SMCHD1: variants seen among roughly 807,000 people sequenced by gnomAD.
The protein encoded by SMCHD1 is structural maintenance of chromosomes flexible hinge domain-containing protein 1.
Under a neutral mutation model 254.7 loss-of-function variants are expected in SMCHD1, and 78 were observed. That is an observed-to-expected ratio of 0.31 (90% confidence interval 0.26 to 0.37). The LOEUF (loss-of-function observed/expected upper bound fraction) is 0.37. Ranked by LOEUF, SMCHD1 falls within the 10% of genes least tolerant of loss-of-function variation. The pLI, the probability that SMCHD1 is intolerant of heterozygous loss-of-function variation, is 1.00. For missense variants in SMCHD1, 1,840 were observed against 2,408.1 expected (o/e 0.76, Z 4.94); for synonymous variants, 766 against 794.9 (o/e 0.96, Z 0.61).
chr18:2,716,644 G>A (rs1336924635), intron 17 of SMCHD1, among the ~76,000 whole-genome samples: 2 of 152,190 alleles, frequency 1.3e-5, no homozygotes, highest in East Asian at 1.9e-4. Flanking sequence ...CTCAGGCCCC[G>A]AAGGAATGCT....
chr18:2,739,488 T>C lies in SMCHD1; in HGVS notation c.3482T>C (p.Val1161Ala). 6.2e-7 allele frequency: 1 copy of C among 1,613,244 alleles called. No individual in the cohort carries two copies. The highest frequency in any genetic ancestry group is 1.3e-5 in the African/African-American group (1 of 74,990). Residue 1161 changes from valine (V) to alanine (A), a missense_variant, in exon 27 of 48, where the codon GTA (valine) becomes GCA (alanine). Coordinates refer to ENST00000320876, the MANE Select transcript of SMCHD1 (RefSeq NM_015295.3). Reference sequence around the variant, plus strand: ...TGTGAAATGAAAGGAGGAAAAACAGTACAGATGGGCCAAGAGCTTCAAGGA... The same window carrying C: ...TGTGAAATGAAAGGAGGAAAAACAGCACAGATGGGCCAAGAGCTTCAAGGA... ...LKCEMKGGKT[V>A]QMGQELQGEV...
intron 1 of SMCHD1, among the ~76,000 whole-genome samples, chr18:2,663,451 C>G (rs1056050339): frequency 6.6e-6 from 1 of 152,094 alleles, no homozygotes; most frequent in African/African-American, 2.4e-5. Context: ...TATGCTCACT[C>G]AAAATTATTT....
At chr18:2,677,368 T>G (rs1288695156) in intron 5 of SMCHD1, among the ~76,000 whole-genome samples, 3 of 152,224 alleles carry the variant, frequency 2.0e-5, no homozygotes, top group Non-Finnish European at 2.9e-5. Flanking sequence ...TTTTTAATCT[T>G]GAGGTAAAAT....
rs769401596 is a variant in SMCHD1 at position 2,656,090 on chromosome 18, C to G, written c.15C>G (p.Asp5Glu). Residue 5 changes from aspartate to glutamate, a missense_variant, in exon 1 of 48, where the codon GAC (aspartate) becomes GAG (glutamate). By Grantham distance (45) the Asp-to-Glu change is conservative. Coordinates refer to ENST00000320876, the MANE Select transcript of SMCHD1 (RefSeq NM_015295.3). The part of the protein sequence containing the change: MAAA[D>E]GGGPGGASVG... The stretch of plus-strand genomic sequence containing the variant: ...TTTTCCCCAATATGGCAGCGGCGGA[C>G]GGCGGCGGGCCTGGTGGGGCCTCTG... 1 of 1,401,702 alleles carries G rather than the reference C, an allele frequency of 7.1e-7. No individual in the cohort carries two copies. Among genetic ancestry groups the G allele is most frequent in the African/African-American group, 1.5e-5 (1 of 66,588 alleles). 86.8% of individuals were successfully genotyped at this position (1,401,702 alleles called of 1,614,324 possible).
chr18:2,739,308 G>T, intron 26 of SMCHD1, 124 bp from the exon 27 acceptor site: 1 of 685,218 alleles, frequency 1.5e-6, no homozygotes, highest in Non-Finnish European at 2.6e-6. Context: ...ACAGTTATTT[G>T]AAGGAGTGTT....
chr18:2,692,864 T>C (rs1364086754), intron 7 of SMCHD1, among the ~76,000 whole-genome samples: 1 of 152,250 alleles, frequency 6.6e-6, no homozygotes, highest in Non-Finnish European at 1.5e-5. Context: ...ATCTTGAACC[T>C]ATCTTTCTCA....
At chr18:2,779,637 G>C (rs1000856629) in intron 44 of SMCHD1, among the ~76,000 whole-genome samples, 1 of 152,142 alleles carries the variant, frequency 6.6e-6, no homozygotes, top group African/African-American at 2.4e-5. Flanking sequence ...GAGAATAGAT[G>C]AGAGACCTTA....
rs140936648 is a variant in SMCHD1, at chr18:2,737,271, G to C, written c.3277-1126G>C. 1.3e-3 allele frequency among the ~76,000 whole-genome samples: 199 copies of C among 152,196 alleles called. 2 individuals carry two copies. The East Asian group carries it at 0.016, about 12-fold the overall frequency. ...GCAGGGGTTGAAAAACTACCTGTTG[G>C]GTACTATGCTCATTACCTGGGTGAT... On this transcript the variant is annotated intron_variant, in intron 25 of 47. Transcript: ENST00000320876.
intron 3 of SMCHD1, among the ~76,000 whole-genome samples, chr18:2,670,653 C>G (rs1332715740): frequency 6.6e-6 from 1 of 152,052 alleles, no homozygotes; most frequent in African/African-American, 2.4e-5. Flanking sequence ...GTAATCCCAG[C>G]ACTTTGGGAA....
At chr18:2,795,887 C>T (rs1026276993) in intron 45 of SMCHD1, 62 bp from the exon 46 acceptor site, 1 of 1,425,430 alleles carries the variant, frequency 7.0e-7, no homozygotes, top group Non-Finnish European at 9.4e-7. Flanking sequence ...CATTTTTTCC[C>T]CTAAAACATG....
At chr18:2,723,902 A>G (rs879412966) in intron 20 of SMCHD1, among the ~76,000 whole-genome samples, 3 of 151,724 alleles carry the variant, frequency 2.0e-5, no homozygotes, top group Non-Finnish European at 2.9e-5. Context: ...AGCTTTTTCT[A>G]TTTGTGTTTT....
intron 21 of SMCHD1, 108 bp from the exon 22 acceptor site, chr18:2,726,344 C>G: frequency 1.8e-6 from 1 of 556,590 alleles, no homozygotes; most frequent in Non-Finnish European, 3.1e-6. Context: ...TAAGTAATTT[C>G]TACAATGGTA....
intron 41 of SMCHD1, among the ~76,000 whole-genome samples, chr18:2,772,991 T>C (rs1057024936): frequency 4.6e-5 from 7 of 152,228 alleles, no homozygotes; most frequent in Non-Finnish European, 7.3e-5. Context: ...TTCAGGGAGC[T>C]CAAATAACTT....
Position 2,688,560 on chromosome 18 carries a change from T to G in SMCHD1, c.753+52T>G. On this transcript the variant is annotated intron_variant, in intron 6 of 47. Coordinates refer to ENST00000320876, the MANE Select transcript of SMCHD1 (RefSeq NM_015295.3). ...AAAGTTGATCAAAATATTTTGAAGT[T>G]GACTCTGTCTAAATGCATTAACCAG... is the stretch of plus-strand genomic sequence containing the variant. 2.5e-6 allele frequency: 4 copies of G among 1,588,924 alleles called. No individual in the cohort carries two copies. In the Admixed American group the frequency reaches 6.8e-5, roughly 27 times the overall value.
chr18:2,672,406 T>C (rs1052079148), intron 3 of SMCHD1, among the ~76,000 whole-genome samples: 11 of 152,094 alleles, frequency 7.2e-5, no homozygotes, highest in Non-Finnish European at 1.0e-4. Context: ...TTTTGTATTT[T>C]TAATAGAGAT....
At chr18:2,764,831 T>C (rs1314393220) in intron 37 of SMCHD1, among the ~76,000 whole-genome samples, 3 of 152,178 alleles carry the variant, frequency 2.0e-5, no homozygotes, top group Non-Finnish European at 4.4e-5. Flanking sequence ...ACCCCACAGA[T>C]ACCAAGGGAT....
chr18:2,762,615 G>A (rs62077673), intron 36 of SMCHD1, among the ~76,000 whole-genome samples: 29,170 of 151,436 alleles, frequency 0.19, 3,073 homozygotes, highest in South Asian at 0.27. Flanking sequence ...GAGTAGCTGG[G>A]ACCACAAGGT....
At position 2,769,569 on chromosome 18, in the gene SMCHD1, C is replaced by CTAT. The variant is rs1482018122; in HGVS notation, c.4720-124_4720-122dup. ...GTTTAATGGAATCTTAAGGATCAGC[C>CTAT]TATGCCTTTGGCCTTTAAAATTAAC... On this transcript the variant is annotated intron_variant, in intron 37 of 47. Coordinates refer to ENST00000320876, the MANE Select transcript of SMCHD1 (RefSeq NM_015295.3). 13 of 947,014 alleles carry CTAT rather than the reference C, an allele frequency of 1.4e-5. No homozygotes were observed. The African/African-American group carries it at 2.0e-4, about 15-fold the overall frequency. The allele number at this position is 947,014 out of a possible 1,614,324, so 58.7% of individuals were successfully genotyped here. A position where few individuals can be genotyped will look rare whatever the true frequency, so the allele number is the denominator to read the frequency against.
chr18:2,738,618 GT>G, intron 26 of SMCHD1, 73 bp downstream of exon 26: 1 of 1,254,154 alleles, frequency 8.0e-7, no homozygotes, highest in South Asian at 1.8e-5. Flanking sequence ...TATGAAAGTT[GT>G]TTTTAATGTA....
Sources: gnomAD v4.1 joint callset for allele counts (sites outside exome capture counted in the v4.1 genomes callset) on GRCh38, gnomAD v4.1.1 for gene constraint, MANE v1.5 for transcripts, NCBI Gene and HGNC (gene_info 2026-07-23, HGNC 2026-07-21) for gene names.